CAMKMT: variants seen among roughly 807,000 people sequenced by gnomAD.
CAMKMT encodes CaM KMT.
Under a neutral mutation model 48.0 loss-of-function variants are expected in CAMKMT, and 53 were observed. That is an observed-to-expected ratio of 1.10 (90% CI 0.89 to 1.39). The LOEUF is 1.39. Ranked by LOEUF, CAMKMT falls within the 40% of genes most tolerant of loss-of-function variation. The pLI is 0.00. For missense variants in CAMKMT, 428 were observed against 402.7 expected (o/e 1.06, Z -0.54); for synonymous variants, 165 against 152.3 (o/e 1.08, Z -0.61).
intron 8 of CAMKMT, among the ~76,000 whole-genome samples, chr2:44,752,651 C>T (rs560737991): frequency 1.3e-5 from 2 of 152,298 alleles, no homozygotes; most frequent in South Asian, 4.1e-4. Flanking sequence ...ATGTAATTCT[C>T]ACAGTTCCAG....
At chr2:44,506,536 A>G (rs982986448) in intron 3 of CAMKMT, among the ~76,000 whole-genome samples, 1 of 152,066 alleles carries the variant, frequency 6.6e-6, no homozygotes, top group Non-Finnish European at 1.5e-5. Flanking sequence ...TTCTTTGTTT[A>G]TATTTTGGGA....
intron 2 of CAMKMT, among the ~76,000 whole-genome samples, chr2:44,386,505 CAAT>C: frequency 6.6e-6 from 1 of 152,104 alleles, no homozygotes; most frequent in Non-Finnish European, 1.5e-5. Context: ...GTTGTTGTTT[CAAT>C]TTCATTTAGT....
At chr2:44,614,936 C>CT (rs3083440) in intron 3 of CAMKMT, among the ~76,000 whole-genome samples, 1,084 of 48,896 alleles carry the variant, frequency 0.022, 243 homozygotes, top group African/African-American at 0.074. Flanking sequence ...GGTCTCCTTG[C>CT]TTTTTTTTTT....
intron 3 of CAMKMT, among the ~76,000 whole-genome samples, chr2:44,492,065 A>G (rs2104715391): frequency 6.6e-6 from 1 of 152,316 alleles, no homozygotes; most frequent in South Asian, 2.1e-4. Context: ...TTATGATTTT[A>G]TTGTTCACTT....
At chr2:44,669,683 G>T in intron 3 of CAMKMT, among the ~76,000 whole-genome samples, 1 of 151,872 alleles carries the variant, frequency 6.6e-6, no homozygotes, top group Non-Finnish European at 1.5e-5. Context: ...TGTCACCTAG[G>T]CTGGAGTGCA....
intron 3 of CAMKMT, among the ~76,000 whole-genome samples, chr2:44,502,366 A>G (rs111518310): frequency 3.9e-5 from 6 of 152,082 alleles, no homozygotes; most frequent in African/African-American, 1.4e-4. Context: ...CTGTCACTCC[A>G]GGTCTGCTCT....
intron 3 of CAMKMT, among the ~76,000 whole-genome samples, chr2:44,589,167 T>C (rs1171069792): frequency 2.3e-4 from 10 of 43,544 alleles, no homozygotes; most frequent in African/African-American, 2.8e-4. Context: ...CCAGCCGCCC[T>C]ATCCAGGAGG....
intron 3 of CAMKMT, among the ~76,000 whole-genome samples, chr2:44,561,870 G>C (rs563527148): frequency 6.6e-6 from 1 of 152,292 alleles, no homozygotes; most frequent in South Asian, 2.1e-4. Flanking sequence ...TGAGGACATG[G>C]ATGGGTCAGG....
chr2:44,756,829 G>T (rs1037366639), intron 9 of CAMKMT, among the ~76,000 whole-genome samples: 8 of 152,064 alleles, frequency 5.3e-5, no homozygotes, highest in African/African-American at 1.7e-4. Context: ...TGATGATTCA[G>T]TGCAAGATAC....
chr2:44,578,935 T>C (rs1052492400), intron 3 of CAMKMT, among the ~76,000 whole-genome samples: 1 of 152,200 alleles, frequency 6.6e-6, no homozygotes, highest in African/African-American at 2.4e-5. Flanking sequence ...AAAAAGTTGA[T>C]TCATTGTGTA....
chr2:44,604,780 T>C (rs559648739), intron 3 of CAMKMT, among the ~76,000 whole-genome samples: 1 of 152,250 alleles, frequency 6.6e-6, no homozygotes, highest in South Asian at 2.1e-4. Context: ...TTTTGCTTTT[T>C]TCCTGAATGT....
chr2:44,452,970 A>T (rs772587408), intron 3 of CAMKMT, among the ~76,000 whole-genome samples: 1 of 152,046 alleles, frequency 6.6e-6, no homozygotes, highest in Non-Finnish European at 1.5e-5. Flanking sequence ...GCTAAATTAT[A>T]TGGTGAATTA....
At chr2:44,670,249 C>A (rs1205581993) in intron 3 of CAMKMT, among the ~76,000 whole-genome samples, 1 of 152,144 alleles carries the variant, frequency 6.6e-6, no homozygotes, top group Non-Finnish European at 1.5e-5. Context: ...TTTTCACTTA[C>A]ACAAACTATT....
rs751003469 is a variant in CAMKMT at position 44,546,245 on chromosome 2, A to G, written c.376+155940A>G. ...TATACCTATGACCAATTTCACATCT[A>G]AGTTCTGACATTTAGCCCTAAAATC... is the stretch of plus-strand genomic sequence containing the variant. On this transcript the variant is annotated intron_variant, in intron 3 of 10. Coordinates refer to ENST00000378494, the MANE Select transcript of CAMKMT (RefSeq NM_024766.5). Among the ~76,000 whole-genome samples, 6 of 151,142 alleles carry G rather than the reference A, an allele frequency of 4.0e-5. No homozygotes were observed. The Middle Eastern group carries it at 0.017, about 428-fold the overall frequency.
At chr2:44,472,533 A>G (rs1022212974) in intron 3 of CAMKMT, among the ~76,000 whole-genome samples, 2 of 152,226 alleles carry the variant, frequency 1.3e-5, no homozygotes, top group Admixed American at 6.5e-5. Context: ...CTATCTAAAA[A>G]CATTCATAAT....
intron 10 of CAMKMT, among the ~76,000 whole-genome samples, chr2:44,767,634 G>A (rs1389170040): frequency 6.6e-6 from 1 of 152,162 alleles, no homozygotes; most frequent in Non-Finnish European, 1.5e-5. Flanking sequence ...TCTCACTGGT[G>A]GAGTCAGGCC....
intron 6 of CAMKMT, among the ~76,000 whole-genome samples, chr2:44,709,437 G>A (rs1677751137): frequency 6.6e-6 from 1 of 152,116 alleles, no homozygotes; most frequent in Non-Finnish European, 1.5e-5. Context: ...GTGTTTGTAT[G>A]CCTTTTTCTG....
chr2:44,675,794 T>C (rs915384967), intron 3 of CAMKMT, among the ~76,000 whole-genome samples: 1 of 152,182 alleles, frequency 6.6e-6, no homozygotes, highest in African/African-American at 2.4e-5. Flanking sequence ...TTTCCCAAAC[T>C]GAAACTCTGT....
intron 3 of CAMKMT, among the ~76,000 whole-genome samples, chr2:44,604,407 G>T (rs1671165938): frequency 6.6e-6 from 1 of 152,024 alleles, no homozygotes; most frequent in African/African-American, 2.4e-5. Flanking sequence ...TGACTAGAAG[G>T]GAAACAACCA....
Sources: allele counts gnomAD v4.1 joint callset (sites outside exome capture counted in the v4.1 genomes callset), GRCh38; gene constraint gnomAD v4.1.1; transcripts MANE v1.5; gene names NCBI Gene and HGNC (gene_info 2026-07-23, HGNC 2026-07-21).